The following TNRC6B variants were observed in gnomAD, a reference collection of about 807,000 sequenced individuals.
TNRC6B encodes the protein trinucleotide repeat-containing gene 6B protein.
Under a neutral mutation model 203.6 loss-of-function variants are expected in TNRC6B, and 52 were observed. The observed-to-expected ratio is 0.26, with a 90% CI of 0.20 to 0.32. The LOEUF (loss-of-function observed/expected upper bound fraction) is 0.32, where lower values mean the gene tolerates loss of function less well. Ranked by LOEUF, TNRC6B falls within the 10% of genes least tolerant of loss-of-function variation. TNRC6B has a pLI of 1.00. For missense variants in TNRC6B, 1,923 were observed against 2,286.2 expected (o/e 0.84, Z 3.24); for synonymous variants, 838 against 845.7 (o/e 0.99, Z 0.16).
intron 1 of TNRC6B, among the ~76,000 whole-genome samples, chr22:40,088,626 G>GTGTGTT (rs1306552133): frequency 1.3e-5 from 2 of 149,314 alleles, no homozygotes; most frequent in East Asian, 3.9e-4. Flanking sequence ...GTGTGTGTGT[G>GTGTGTT]TGTGTTTTAG....
intron 2 of TNRC6B, among the ~76,000 whole-genome samples, chr22:40,118,888 A>T (rs2068416475): frequency 6.6e-6 from 1 of 152,222 alleles, no homozygotes; most frequent in South Asian, 2.1e-4. Flanking sequence ...CTGAGCCTTG[A>T]TTGGAAAGTA....
intron 3 of TNRC6B, among the ~76,000 whole-genome samples, chr22:40,133,102 C>T (rs918542826): frequency 6.6e-6 from 1 of 150,960 alleles, no homozygotes; most frequent in Non-Finnish European, 1.5e-5. Context: ...TATTATCACA[C>T]TGATCTGAAA....
chr22:40,157,649 A>G (rs2068829584), intron 4 of TNRC6B, among the ~76,000 whole-genome samples: 1 of 152,198 alleles, frequency 6.6e-6, no homozygotes, highest in Non-Finnish European at 1.5e-5. Flanking sequence ...TCTTTAGCAA[A>G]TTAGAATGCC....
chr22:40,154,876 T>C (rs1290245159), intron 3 of TNRC6B, among the ~76,000 whole-genome samples: 3 of 58,116 alleles, frequency 5.2e-5, no homozygotes, highest in African/African-American at 2.1e-4. Flanking sequence ...TATATATATA[T>C]ATATATATAT....
chr22:40,237,474 G>GC (rs1380452324), intron 1 of TNRC6B, among the ~76,000 whole-genome samples: 1 of 152,192 alleles, frequency 6.6e-6, no homozygotes, highest in African/African-American at 2.4e-5. Context: ...AATACTGAGG[G>GC]AACTGATGCG....
chr22:40,254,660 G>A (rs540644199), intron 3 of TNRC6B, among the ~76,000 whole-genome samples: 16 of 152,306 alleles, frequency 1.1e-4, no homozygotes, highest in Admixed American at 2.0e-4. Flanking sequence ...GGCCGAGGTG[G>A]GCAGATCACA....
intron 4 of TNRC6B, among the ~76,000 whole-genome samples, chr22:40,172,837 G>T (rs1038211227): frequency 2.0e-5 from 3 of 152,196 alleles, no homozygotes; most frequent in African/African-American, 7.2e-5. Flanking sequence ...AGATCTTAGA[G>T]ATTTCTGCTC....
chr22:40,211,043 C>T (rs1393774330), intron 1 of TNRC6B, among the ~76,000 whole-genome samples: 4 of 152,148 alleles, frequency 2.6e-5, no homozygotes, highest in East Asian at 1.9e-4. Context: ...TTTCACTTCC[C>T]TCCCACATTT....
chr22:40,169,501 G>A (rs2068951066), intron 4 of TNRC6B, among the ~76,000 whole-genome samples: 1 of 152,122 alleles, frequency 6.6e-6, no homozygotes, highest in Non-Finnish European at 1.5e-5. Flanking sequence ...TACTTAACAA[G>A]TACCAATTAT....
chr22:40,317,220 G>A (rs879919091), intron 21 of TNRC6B, among the ~76,000 whole-genome samples: 3 of 152,022 alleles, frequency 2.0e-5, no homozygotes, highest in Admixed American at 1.3e-4. Flanking sequence ...AACCATTTTT[G>A]TGCTCTGTAA....
Position 40,326,297 on chromosome 22 carries a change from A to G in TNRC6B, c.*3056A>G, listed in dbSNP as rs2071401254. The G allele has an allele frequency of 6.6e-6, 1 of 152,652 alleles. No homozygotes were observed. Among genetic ancestry groups the G allele is most frequent in the Non-Finnish European group, 1.5e-5 (1 of 68,046 alleles). The allele number at this position is 152,652 out of a possible 1,614,324, so 9.5% of individuals were successfully genotyped here. ...AGTTCCTGAAACTTCAGAAAGTTTA[A>G]ACAATTTTTACTTAAAAAAATGTAA... On this transcript the variant is annotated 3_prime_UTR_variant, in exon 23 of 23. Transcript: ENST00000454349.
At chr22:40,050,497 C>T (rs1296748064) in intron 1 of TNRC6B, among the ~76,000 whole-genome samples, 1 of 152,148 alleles carries the variant, frequency 6.6e-6, no homozygotes, top group Non-Finnish European at 1.5e-5. Flanking sequence ...CTTGGGCTGT[C>T]CTTGCTCTGC....
intron 3 of TNRC6B, among the ~76,000 whole-genome samples, chr22:40,130,778 CTAAAAAA>C (rs2068535222): frequency 1.8e-5 from 1 of 56,938 alleles, no homozygotes; most frequent in African/African-American, 2.3e-4. Context: ...GAGACTCCGT[CTAAAAAA>C]AAAAAAAAAA....
chr22:40,231,700 G>C (rs1343514264), intron 1 of TNRC6B, among the ~76,000 whole-genome samples: 1 of 152,100 alleles, frequency 6.6e-6, no homozygotes, highest in African/African-American at 2.4e-5. Flanking sequence ...GGGAATCGAA[G>C]GTTCACACAA....
Position 40,075,156 on chromosome 22 carries a change from ATTTTTTTT to A in TNRC6B, c.-121+30174_-121+30181del, listed in dbSNP as rs58240994. The stretch of plus-strand genomic sequence containing the variant: ...TCTGTTCATATATATATATATATAT[ATTTTTTTT>A]TTTTTTTTTTTTTTTCTTACTGATT... On this transcript the variant is annotated intron_variant, in intron 1 of 23. Coordinates refer to the TNRC6B transcript ENST00000301923. 2.1e-3 allele frequency among the ~76,000 whole-genome samples: 74 copies of A among 35,558 alleles called. 1 individual carries two copies. Among genetic ancestry groups the A allele is most frequent in the East Asian group, 7.5e-3 (10 of 1,326 alleles). 23.3% of individuals were successfully genotyped at this position (35,558 alleles called of 152,430 possible).
rs59426214 is a variant in TNRC6B, at chr22:40,146,403, C to CTT, written c.46-9704_46-9703dup. 2.7e-4 allele frequency among the ~76,000 whole-genome samples: 40 copies of CTT among 150,420 alleles called. 2 individuals carry two copies. Among genetic ancestry groups the CTT allele is most frequent in the South Asian group, 2.3e-3 (11 of 4,758 alleles). ...TGTAATAATATGTGAGAAATGCTGT[C>CTT]TTTTTTTTTGAGACGGAGTTTCTCT... On this transcript the variant is annotated intron_variant, in intron 3 of 23. Transcript: ENST00000301923.
rs781569872 is a variant in TNRC6B, at chr22:40,103,879, G to A, written c.-120-13176G>A. ...GCTGGTCTCAAACTCCTGACCTCAC[G>A]TGATCTGCCCACCTTGGCCTCCCAA... On this transcript the variant is annotated intron_variant, in intron 1 of 23. Transcript: ENST00000301923. Among the ~76,000 whole-genome samples, 17 of 151,588 alleles carry A rather than the reference G, an allele frequency of 1.1e-4. No individual in the cohort carries two copies. The East Asian group carries it at 1.4e-3, about 12-fold the overall frequency.
intron 1 of TNRC6B, among the ~76,000 whole-genome samples, chr22:40,228,128 T>C (rs1381724750): frequency 6.6e-6 from 1 of 152,120 alleles, no homozygotes; most frequent in Non-Finnish European, 1.5e-5. Flanking sequence ...TTCCAGATTA[T>C]AAATATTAGA....
At chr22:40,104,029 G>C (rs985516178) in intron 1 of TNRC6B, among the ~76,000 whole-genome samples, 1 of 150,176 alleles carries the variant, frequency 6.7e-6, no homozygotes, top group Non-Finnish European at 1.5e-5. Flanking sequence ...GAGGCAGGTG[G>C]ATCACAAGGT....
Sources: allele counts gnomAD v4.1 joint callset (sites outside exome capture counted in the v4.1 genomes callset), GRCh38; gene constraint gnomAD v4.1.1; transcripts MANE v1.5; gene names NCBI Gene and HGNC (gene_info 2026-07-23, HGNC 2026-07-21).